VPS29: variants seen among roughly 807,000 people sequenced by gnomAD.
VPS29 encodes the protein vacuolar protein sorting-associated protein 29.
Under a neutral mutation model 20.0 loss-of-function variants are expected in VPS29, and 2 were observed. That is an observed-to-expected ratio of 0.10 (90% CI 0.04 to 0.31). VPS29 has a LOEUF of 0.31. Ranked by LOEUF, VPS29 falls within the 10% of genes least tolerant of loss-of-function variation. VPS29 has a pLI of 1.00. For missense variants in VPS29, 120 were observed against 215.3 expected (o/e 0.56, Z 2.77); for synonymous variants, 81 against 79.3 (o/e 1.02, Z -0.12).
chr12:110,498,967 C>A (rs564567697), intron 1 of VPS29: 1 of 399,684 alleles, frequency 2.5e-6, no homozygotes, highest in Non-Finnish European at 3.4e-6. Context: ...CAACAACAAC[C>A]ACCACCCCAA....
chr12:110,491,844 C>T lies in VPS29; in HGVS notation c.*161G>A. Reference sequence around the variant, plus strand: ...AAACTAAATATATTCTTATAGTTTACAGGAAGCTTGGAGCAATTATGTATT... The same window carrying T: ...AAACTAAATATATTCTTATAGTTTATAGGAAGCTTGGAGCAATTATGTATT... On this transcript the variant is annotated 3_prime_UTR_variant, in exon 4 of 4. Coordinates refer to ENST00000549578, the MANE Select transcript of VPS29 (RefSeq NM_016226.5). 1 of 605,498 alleles carries T rather than the reference C, an allele frequency of 1.7e-6. No individual in the cohort carries two copies. The highest frequency in any genetic ancestry group is 2.0e-5 in the South Asian group (1 of 50,132). 37.5% of individuals were successfully genotyped at this position (605,498 alleles called of 1,614,324 possible). A position where few individuals can be genotyped will look rare whatever the true frequency, so the allele number is the denominator to read the frequency against.
chr12:110,498,931 T>C, intron 1 of VPS29: 3 of 706,468 alleles, frequency 4.2e-6, no homozygotes, highest in Non-Finnish European at 3.5e-6. Context: ...AATAGATTTC[T>C]ATATTTAAAA....
chr12:110,501,684 A>G, intron 1 of VPS29: 7 of 1,458,104 alleles, frequency 4.8e-6, no homozygotes, highest in Middle Eastern at 1.7e-4. Flanking sequence ...ACGAGTAGGA[A>G]CCGTCTGGAA....
At chr12:110,493,294 A>G in intron 2 of VPS29, 63 bp from the exon 3 acceptor site, 1 of 1,227,002 alleles carries the variant, frequency 8.1e-7, no homozygotes, top group South Asian at 1.9e-5. Flanking sequence ...TAAAAAAATC[A>G]GTTTCCTTAA....
intron 1 of VPS29, among the ~76,000 whole-genome samples, chr12:110,497,199 ATTTC>A (rs1565861938): frequency 2.1e-5 from 3 of 141,214 alleles, no homozygotes; most frequent in African/African-American, 2.7e-5. Flanking sequence ...TAATTTAAAA[ATTTC>A]TTTCTTTTTT....
At chr12:110,501,791 T>C in intron 1 of VPS29, 1 of 1,090,226 alleles carries the variant, frequency 9.2e-7, no homozygotes, top group Non-Finnish European at 1.3e-6. Flanking sequence ...GTCGGGCTGC[T>C]AGAGGGGCCT....
intron 1 of VPS29, among the ~76,000 whole-genome samples, chr12:110,497,489 T>A (rs2062927361): frequency 6.6e-6 from 1 of 151,836 alleles, no homozygotes; most frequent in Non-Finnish European, 1.5e-5. Flanking sequence ...AGTGCTAGGA[T>A]TACAGGCATG....
intron 1 of VPS29, among the ~76,000 whole-genome samples, chr12:110,497,970 A>ATT (rs559575872): frequency 8.4e-5 from 11 of 131,422 alleles, no homozygotes; most frequent in African/African-American, 1.7e-4. Flanking sequence ...AACAGAATCG[A>ATT]TTTTTTTTTT....
intron 1 of VPS29, among the ~76,000 whole-genome samples, chr12:110,497,203 CTT>C (rs2062920496): frequency 2.3e-5 from 2 of 87,016 alleles, no homozygotes; most frequent in African/African-American, 8.4e-5. Flanking sequence ...TTAAAAATTT[CTT>C]TCTTTTTTTT....
chr12:110,492,897 G>C, intron 3 of VPS29, 99 bp downstream of exon 3: 2 of 1,099,232 alleles, frequency 1.8e-6, no homozygotes, highest in Non-Finnish European at 1.3e-6. Flanking sequence ...TGGTATTACA[G>C]GCATGAGCCA....
rs2062902248 is a variant in VPS29, at chr12:110,496,107, T to C, written c.100A>G (p.Ile34Val). The C allele has an allele frequency of 1.9e-6, 3 of 1,614,118 alleles. No homozygotes were observed. The East Asian group carries it at 6.7e-5, about 36-fold the overall frequency. The change falls in exon 2 of 4, where the codon ATT becomes GTT. Residue 34 changes from isoleucine (I) to valine (V), a missense_variant. By Grantham distance (29) the Ile-to-Val change is conservative (BLOSUM62 3). Coordinates refer to ENST00000549578, the MANE Select transcript of VPS29 (RefSeq NM_016226.5). The part of the protein sequence containing the change: ...KLLVPGKIQH[I>V]LCTGNLCTKE... ...GTGCAAAGGTTTCCTGTGCAGAGAA[T>C]GTGCTGAATTTTTCCTGGCACCAGG...
At chr12:110,492,932 C>A (rs560681937) in intron 3 of VPS29, 64 bp downstream of exon 3, 4 of 1,412,242 alleles carry the variant, frequency 2.8e-6, no homozygotes, top group Non-Finnish European at 3.9e-6. Flanking sequence ...ATTTCTTTTA[C>A]GAAATGTCAC....
chr12:110,493,825 C>T (rs1391361873), intron 2 of VPS29, among the ~76,000 whole-genome samples: 1 of 152,064 alleles, frequency 6.6e-6, no homozygotes, highest in Non-Finnish European at 1.5e-5. Flanking sequence ...ATTATTCCCC[C>T]CAAACTTGTG....
At chr12:110,492,177 T>C in intron 3 of VPS29, 55 bp from the exon 4 acceptor site, 1 of 1,328,634 alleles carries the variant, frequency 7.5e-7, no homozygotes. Flanking sequence ...AGCAGCACTA[T>C]AAATTTCAAT....
chr12:110,501,835 G>T, intron 1 of VPS29: 2 of 1,272,162 alleles, frequency 1.6e-6, no homozygotes, highest in Non-Finnish European at 1.1e-6. Flanking sequence ...GCCCCTTGGG[G>T]CCGGGATACG....
intron 1 of VPS29, chr12:110,496,644 C>A (rs1038873216): frequency 6.6e-6 from 1 of 152,344 alleles, no homozygotes; most frequent in Non-Finnish European, 1.5e-5. Context: ...TAGAATTTGG[C>A]ATTTTTAAAG....
intron 1 of VPS29, among the ~76,000 whole-genome samples, chr12:110,499,920 T>G (rs1305600975): frequency 1.3e-5 from 2 of 152,252 alleles, no homozygotes; most frequent in Non-Finnish European, 2.9e-5. Flanking sequence ...AATTTGGATT[T>G]CTACAAGACA....
Position 110,491,268 on chromosome 12 carries a change from G to A in VPS29, c.*737C>T, listed in dbSNP as rs2062815168. 1 of 152,048 alleles carries A rather than the reference G, an allele frequency of 6.6e-6. No homozygotes were observed. Among genetic ancestry groups the A allele is most frequent in the African/African-American group, 2.4e-5 (1 of 41,352 alleles). The allele number at this position is 152,048 out of a possible 1,614,324, so 9.4% of individuals were successfully genotyped here. ...TAATTTTGTATTTTTAGTACAGACA[G>A]GGTTTCACCATGTTGGCCAGGCTGG... On this transcript the variant is annotated 3_prime_UTR_variant, in exon 4 of 4. Coordinates refer to ENST00000549578, the MANE Select transcript of VPS29 (RefSeq NM_016226.5).
intron 1 of VPS29, chr12:110,499,314 C>T (rs2062956512): frequency 3.9e-6 from 2 of 507,646 alleles, no homozygotes; most frequent in Admixed American, 3.8e-5. Context: ...GCCCAAATTC[C>T]ACACTTTGAC....
Sources: gnomAD v4.1 joint callset for allele counts (sites outside exome capture counted in the v4.1 genomes callset) on GRCh38, gnomAD v4.1.1 for gene constraint, MANE v1.5 for transcripts, NCBI Gene and HGNC (gene_info 2026-07-23, HGNC 2026-07-21) for gene names.